INPP4B: variants seen among roughly 807,000 people sequenced by gnomAD.
INPP4B encodes inositol polyphosphate 4-phosphatase type II.
A neutral mutation model predicts 122.5 loss-of-function variants in INPP4B; 55 were observed. That is an observed-to-expected ratio of 0.45 (90% CI 0.36 to 0.56). The LOEUF (loss-of-function observed/expected upper bound fraction) is 0.56, where lower values mean the gene tolerates loss of function less well. Among genes scored for constraint, INPP4B ranks in the 20% least tolerant of loss-of-function variants. INPP4B has a pLI of 0.00. For missense variants in INPP4B, 1,000 were observed against 1,097.7 expected, an observed-to-expected ratio of 0.91 and a Z score of 1.26; for synonymous variants, 403 against 388.7, an observed-to-expected ratio of 1.04 and a Z score of -0.43.
At chr4:142,724,844 AT>A (rs1435661063) in intron 2 of INPP4B, among the ~76,000 whole-genome samples, 22 of 152,236 alleles carry the variant, frequency 1.4e-4, no homozygotes, top group African/African-American at 5.3e-4. Context: ...TATCCATTAC[AT>A]TTAAATGCTA....
chr4:142,588,823 A>T (rs1401041301), intron 2 of INPP4B, among the ~76,000 whole-genome samples: 4 of 151,882 alleles, frequency 2.6e-5, no homozygotes, highest in African/African-American at 9.6e-5. Context: ...AATTTTGTAG[A>T]TATCAGCAAC....
intron 11 of INPP4B, among the ~76,000 whole-genome samples, chr4:142,248,593 C>A (rs996917883): frequency 1.3e-5 from 2 of 151,484 alleles, no homozygotes; most frequent in Non-Finnish European, 2.9e-5. Flanking sequence ...TCCACTTCAG[C>A]CTCCCAAAGT....
At chr4:142,269,980 A>G (rs1420878802) in intron 10 of INPP4B, among the ~76,000 whole-genome samples, 1 of 152,214 alleles carries the variant, frequency 6.6e-6, no homozygotes, top group Non-Finnish European at 1.5e-5. Context: ...TAAAACAGGC[A>G]ATTGCATTCC....
At chr4:142,316,455 C>T (rs1767712646) in intron 7 of INPP4B, among the ~76,000 whole-genome samples, 1 of 152,134 alleles carries the variant, frequency 6.6e-6, no homozygotes, top group Non-Finnish European at 1.5e-5. Flanking sequence ...AATATGGTTT[C>T]TCCCTCTAAC....
At chr4:142,701,434 G>T (rs965234402) in intron 2 of INPP4B, among the ~76,000 whole-genome samples, 1 of 151,324 alleles carries the variant, frequency 6.6e-6, no homozygotes, top group Non-Finnish European at 1.5e-5. Context: ...ACTCTAACTG[G>T]TGCAATCAGG....
intron 7 of INPP4B, among the ~76,000 whole-genome samples, chr4:142,366,374 C>T (rs1375330855): frequency 6.6e-6 from 1 of 150,602 alleles, no homozygotes; most frequent in Non-Finnish European, 1.5e-5. Flanking sequence ...AAAATGACAA[C>T]CATAAATTTT....
chr4:142,740,732 T>C (rs767493802), intron 1 of INPP4B, among the ~76,000 whole-genome samples: 1 of 152,008 alleles, frequency 6.6e-6, no homozygotes, highest in African/African-American at 2.4e-5. Flanking sequence ...AGGGAAATAT[T>C]TGTGACATTT....
At chr4:142,437,176 T>C (rs1433429903) in intron 3 of INPP4B, among the ~76,000 whole-genome samples, 1 of 151,934 alleles carries the variant, frequency 6.6e-6, no homozygotes, top group African/African-American at 2.4e-5. Flanking sequence ...TTGAAGACTA[T>C]CTTGCTGAAA....
In INPP4B at chr4:142,237,854, T is replaced by A. The variant is rs748748919; in HGVS notation, c.836+10A>T. On this transcript the variant is annotated intron_variant, in intron 12 of 25. Transcript: ENST00000262992. ...AATTAATATGAGAGAAAATAGTTAT[T>A]TTCTCTTACCTGCACAAATCTTCTT... 1 of 1,485,824 alleles carries A rather than the reference T, an allele frequency of 6.7e-7. No homozygotes were observed. Among genetic ancestry groups the A allele is most frequent in the Non-Finnish European group, 9.2e-7 (1 of 1,090,684 alleles). The allele number at this position is 1,485,824 out of a possible 1,614,324, so 92.0% of individuals were successfully genotyped here.
At chr4:142,448,010 T>C (rs1813283386) in intron 3 of INPP4B, among the ~76,000 whole-genome samples, 2 of 152,122 alleles carry the variant, frequency 1.3e-5, no homozygotes, top group East Asian at 3.9e-4. Flanking sequence ...AAAAGTGAGA[T>C]GATTGGGAGA....
Position 142,028,710 on chromosome 4 carries a change from C to CA in INPP4B, c.*71dup. On this transcript the variant is annotated 3_prime_UTR_variant, in exon 26 of 26. Coordinates refer to ENST00000262992, the MANE Select transcript of INPP4B (RefSeq NM_001101669.3). ...ACAAATTCATGACAATAAAAACAAA[C>CA]AAAAAAGACCAAGGTGAAGATTATC... 6.7e-7 allele frequency: 1 copy of CA among 1,490,060 alleles called. No homozygotes were observed. 92.3% of individuals were successfully genotyped at this position (1,490,060 alleles called of 1,614,324 possible).
chr4:142,130,003 T>TAC (rs1213949754), intron 18 of INPP4B, among the ~76,000 whole-genome samples: 2 of 152,176 alleles, frequency 1.3e-5, no homozygotes, highest in Non-Finnish European at 2.9e-5. Flanking sequence ...AAGGAATACC[T>TAC]ACAGTATAAG....
intron 2 of INPP4B, among the ~76,000 whole-genome samples, chr4:142,585,924 T>C (rs759423216): frequency 6.6e-6 from 1 of 151,868 alleles, no homozygotes. Flanking sequence ...GTTTGTTTCA[T>C]AGGTGTACGT....
At chr4:142,227,319 C>A (rs1351368736) in intron 12 of INPP4B, among the ~76,000 whole-genome samples, 2 of 152,076 alleles carry the variant, frequency 1.3e-5, no homozygotes, top group Non-Finnish European at 2.9e-5. Context: ...TTCCAAGAAG[C>A]AGGTGAATGC....
intron 23 of INPP4B, among the ~76,000 whole-genome samples, chr4:142,089,048 G>A (rs2152558570): frequency 6.6e-6 from 1 of 152,302 alleles, no homozygotes; most frequent in African/African-American, 2.4e-5. Context: ...AAATAGCAAA[G>A]GCACGAGGCA....
chr4:142,234,705 C>A (rs1265625220), intron 12 of INPP4B, among the ~76,000 whole-genome samples: 2 of 152,146 alleles, frequency 1.3e-5, no homozygotes, highest in Non-Finnish European at 2.9e-5. Context: ...ATCTATCAGG[C>A]TTTTATACCT....
At chr4:142,753,106 T>C (rs1769975369) in intron 1 of INPP4B, among the ~76,000 whole-genome samples, 2 of 152,126 alleles carry the variant, frequency 1.3e-5, no homozygotes, top group South Asian at 4.1e-4. Context: ...TTAGTAAGAA[T>C]AAGCATTTTA....
chr4:142,531,668 T>C (rs1378453441), intron 2 of INPP4B, among the ~76,000 whole-genome samples: 2 of 152,124 alleles, frequency 1.3e-5, no homozygotes, highest in African/African-American at 4.8e-5. Context: ...AAAATTTCTT[T>C]TGAGTAGATT....
chr4:142,225,223 C>T (rs921917597), intron 12 of INPP4B, among the ~76,000 whole-genome samples: 26 of 152,244 alleles, frequency 1.7e-4, no homozygotes, highest in African/African-American at 4.3e-4. Context: ...TTCCTGCTCT[C>T]GAACATCAGA....
Sources: allele counts gnomAD v4.1 joint callset (sites outside exome capture counted in the v4.1 genomes callset), GRCh38; gene constraint gnomAD v4.1.1; transcripts MANE v1.5; gene names NCBI Gene and HGNC (gene_info 2026-07-23, HGNC 2026-07-21).